The following PID1 variants were observed in gnomAD, a reference collection of about 807,000 sequenced individuals.
PID1 encodes PTB-containing, cubilin and LRP1-interacting protein.
Under a neutral mutation model 19.1 loss-of-function variants are expected in PID1, and 10 were observed. The observed-to-expected ratio is 0.52, with a 90% confidence interval of 0.32 to 0.89. The LOEUF is 0.89. Ranked by LOEUF, PID1 falls within the 40% of genes least tolerant of loss-of-function variation. The pLI is 0.03. For missense variants in PID1, 248 were observed against 285.3 expected, an observed-to-expected ratio of 0.87 and a Z score of 0.94; for synonymous variants, 130 against 116.0, an observed-to-expected ratio of 1.12 and a Z score of -0.78.
intron 2 of PID1, among the ~76,000 whole-genome samples, chr2:229,142,417 T>G (rs1278320044): frequency 2.0e-5 from 3 of 152,060 alleles, no homozygotes; most frequent in Non-Finnish European, 2.9e-5. Flanking sequence ...ACTAAATTGA[T>G]CATAATGGAA....
At chr2:229,253,489 C>T (rs771218699) in intron 1 of PID1, among the ~76,000 whole-genome samples, 3 of 151,016 alleles carry the variant, frequency 2.0e-5, no homozygotes, top group Non-Finnish European at 2.9e-5. Context: ...AAAGATGGGC[C>T]AGAACCTGGA....
At chr2:229,174,617 A>C (rs896277661) in intron 1 of PID1, among the ~76,000 whole-genome samples, 1 of 151,846 alleles carries the variant, frequency 6.6e-6, no homozygotes, top group African/African-American at 2.4e-5. Context: ...ATAAAATGTC[A>C]GTACCACAGA....
At chr2:229,138,121 A>G (rs1689892681) in intron 2 of PID1, among the ~76,000 whole-genome samples, 1 of 152,142 alleles carries the variant, frequency 6.6e-6, no homozygotes, top group Non-Finnish European at 1.5e-5. Flanking sequence ...GGCGATAAAT[A>G]ACAGCAAATT....
rs1248468672 is a variant in PID1 at position 229,139,031 on chromosome 2, GAAAGAAAGAGAA to G, written c.177+16775_177+16786del. On this transcript the variant is annotated intron_variant, in intron 2 of 2. Transcript: ENST00000392055. ...AGAAAGAAAGAAAGAAAGAAAGAAAGAAAGAAAGAGAAAGAAAGAAAGAAAGAGAAAGAAAGA... is the reference window on the plus strand; with the variant it reads ...AGAAAGAAAGAAAGAAAGAAAGAAAGAGAAAGAAAGAAAGAGAAAGAAAGA... Among the ~76,000 whole-genome samples the G allele has an allele frequency of 9.9e-4, 68 of 68,760 alleles. 2 individuals are homozygous for G. The highest frequency in any genetic ancestry group is 1.5e-3 in the Non-Finnish European group (47 of 31,072). 45.1% of individuals were successfully genotyped at this position (68,760 alleles called of 152,430 possible). A position where few individuals can be genotyped will look rare whatever the true frequency, so the allele number is the denominator to read the frequency against.
chr2:229,180,321 G>A (rs1690912644), intron 1 of PID1, among the ~76,000 whole-genome samples: 1 of 152,042 alleles, frequency 6.6e-6, no homozygotes, highest in Non-Finnish European at 1.5e-5. Flanking sequence ...CATCTAAAGT[G>A]CATATCTGTA....
At chr2:229,163,684 T>C (rs199595392) in intron 1 of PID1, among the ~76,000 whole-genome samples, 4 of 78,064 alleles carry the variant, frequency 5.1e-5, no homozygotes, top group East Asian at 1.0e-3. Flanking sequence ...TGCGTGTGCG[T>C]GTGTGTGTGT....
intron 1 of PID1, among the ~76,000 whole-genome samples, chr2:229,177,733 A>G (rs565134544): frequency 7.9e-5 from 12 of 152,148 alleles, no homozygotes; most frequent in Non-Finnish European, 1.5e-4. Flanking sequence ...ATCTTTCATC[A>G]TCATCATCAT....
At chr2:229,094,634 A>T (rs548569764) in intron 2 of PID1, among the ~76,000 whole-genome samples, 1 of 152,292 alleles carries the variant, frequency 6.6e-6, no homozygotes, top group Admixed American at 6.5e-5. Context: ...AAATAAAGAC[A>T]GATACAACCA....
intron 1 of PID1, among the ~76,000 whole-genome samples, chr2:229,160,109 G>A (rs1690461800): frequency 6.6e-6 from 1 of 152,196 alleles, no homozygotes; most frequent in African/African-American, 2.4e-5. Flanking sequence ...AAAGCACAGA[G>A]CATCAATCCA....
chr2:229,096,821 A>G (rs764090655), intron 2 of PID1, among the ~76,000 whole-genome samples: 5 of 152,180 alleles, frequency 3.3e-5, no homozygotes, highest in Non-Finnish European at 7.3e-5. Context: ...GGATCCCTGC[A>G]ATGTGCCCTT....
chr2:229,232,752 TG>T (rs891440438), intron 1 of PID1, among the ~76,000 whole-genome samples: 2 of 146,228 alleles, frequency 1.4e-5, no homozygotes, highest in African/African-American at 5.0e-5. Flanking sequence ...GTTTGTTGAC[TG>T]ACCAAAAATG....
chr2:229,208,956 T>TG (rs1005496689), intron 1 of PID1, among the ~76,000 whole-genome samples: 8 of 150,454 alleles, frequency 5.3e-5, no homozygotes, highest in Non-Finnish European at 7.4e-5. Context: ...AGAGTAAGAG[T>TG]GGGGGGTGAC....
chr2:229,106,628 C>A (rs747406451), intron 2 of PID1, among the ~76,000 whole-genome samples: 2 of 152,132 alleles, frequency 1.3e-5, no homozygotes, highest in Non-Finnish European at 2.9e-5. Context: ...ACATAGAAGG[C>A]GCCATCTATG....
At chr2:229,210,862 G>A (rs1299431560) in intron 1 of PID1, among the ~76,000 whole-genome samples, 1 of 152,146 alleles carries the variant, frequency 6.6e-6, no homozygotes, top group African/African-American at 2.4e-5. Flanking sequence ...GTGAAAGCTT[G>A]GCAAAAACAG....
At chr2:229,207,809 CACAGTGATGCCCATGACA>C (rs1333681064) in intron 1 of PID1, among the ~76,000 whole-genome samples, 2 of 152,018 alleles carry the variant, frequency 1.3e-5, no homozygotes, top group African/African-American at 2.4e-5. Context: ...ATGCCTTGAG[CACAGTGATGCCCATGACA>C]ACAGTGATGC....
Position 229,214,576 on chromosome 2 carries a change from G to A in PID1, c.30+56438C>T, listed in dbSNP as rs116794311. On this transcript the variant is annotated intron_variant, in intron 1 of 2. Coordinates refer to ENST00000392055, the MANE Select transcript of PID1 (RefSeq NM_001100818.2). Reference sequence around the variant, plus strand: ...ATTAGAGAATGATTGAGAAAGAATCGAGCACTGTTTTATTAGTTAGTTTTC... The same window carrying A: ...ATTAGAGAATGATTGAGAAAGAATCAAGCACTGTTTTATTAGTTAGTTTTC... 6.8e-3 allele frequency among the ~76,000 whole-genome samples: 1,034 copies of A among 152,200 alleles called. 11 individuals carry two copies. The highest frequency in any genetic ancestry group is 0.024 in the African/African-American group (984 of 41,534).
chr2:229,026,152 G>T, intron 2 of PID1, 44 bp from the exon 3 acceptor site: 2 of 1,380,280 alleles, frequency 1.4e-6, no homozygotes, highest in Non-Finnish European at 2.0e-6. Flanking sequence ...TCAGCAGAAG[G>T]CTCTTTGTTC....
In PID1 at chr2:229,180,540, T is replaced by C. The variant is rs367798028; in HGVS notation, c.31-24576A>G. On this transcript the variant is annotated intron_variant, in intron 1 of 2. Transcript: ENST00000392055. ...GCATCATCTGAGAACTTACTGGAAATGGAGGTTTCCATGATCCACCACAGA... is the reference window on the plus strand; with the variant it reads ...GCATCATCTGAGAACTTACTGGAAACGGAGGTTTCCATGATCCACCACAGA... Among the ~76,000 whole-genome samples, 6 of 152,294 alleles carry C rather than the reference T, an allele frequency of 3.9e-5. 2 individuals carry two copies. The East Asian group carries it at 9.7e-4, about 25-fold the overall frequency.
chr2:229,121,139 T>C (rs1695509845), intron 2 of PID1, among the ~76,000 whole-genome samples: 1 of 152,148 alleles, frequency 6.6e-6, no homozygotes, highest in Non-Finnish European at 1.5e-5. Context: ...ATTGTATTGG[T>C]TATAAGTCCT....
Sources: allele counts gnomAD v4.1 joint callset (sites outside exome capture counted in the v4.1 genomes callset), GRCh38; gene constraint gnomAD v4.1.1; transcripts MANE v1.5; gene names NCBI Gene and HGNC (gene_info 2026-07-23, HGNC 2026-07-21).